Variants in SPOCK3 observed in about 807,000 individuals in gnomAD.
The protein encoded by SPOCK3 is SPARC (osteonectin), cwcv and kazal like domains proteoglycan 3.
A neutral mutation model predicts 56.6 loss-of-function variants in SPOCK3; 30 were observed. That is an observed-to-expected ratio of 0.53 (90% CI 0.40 to 0.72). The LOEUF (loss-of-function observed/expected upper bound fraction) is 0.72, where lower values mean the gene tolerates loss of function less well. SPOCK3 is among the 30% of genes least tolerant of loss of function. The pLI, the probability that SPOCK3 is intolerant of heterozygous loss-of-function variation, is 0.00. For missense variants in SPOCK3, 527 were observed against 530.0 expected (o/e 0.99, Z 0.06); for synonymous variants, 196 against 183.3 (o/e 1.07, Z -0.56).
In SPOCK3 at chr4:167,234,007, C is replaced by G. The variant is rs763898421; in HGVS notation, c.167G>C (p.Gly56Ala). The change falls in exon 2 of 11, where the codon GGA becomes GCA. Residue 56 changes from glycine to alanine, a missense_variant. Coordinates refer to ENST00000357545, the MANE Select transcript of SPOCK3 (RefSeq NM_001040159.2). Reference sequence around the variant, plus strand: ...TACGTCTCGGAATTTGTTCCACTGTCCGACTTCCTTGTCATACTGAGAGAT... The same window carrying G: ...TACGTCTCGGAATTTGTTCCACTGTGCGACTTCCTTGTCATACTGAGAGAT... ...TTISQYDKEV[G>A]QWNKFRDDDY... The G allele has an allele frequency of 6.2e-7, 1 of 1,613,950 alleles. No homozygotes were observed. Among genetic ancestry groups the G allele is most frequent in the Admixed American group, 1.7e-5 (1 of 60,022 alleles).
At chr4:167,166,004 T>A (rs563626785) in intron 2 of SPOCK3, among the ~76,000 whole-genome samples, 108 of 152,108 alleles carry the variant, frequency 7.1e-4, no homozygotes, top group African/African-American at 2.4e-3. Context: ...AACATCTTAA[T>A]GAAAAGGCAA....
At chr4:167,154,223 C>A (rs1010885059) in intron 2 of SPOCK3, among the ~76,000 whole-genome samples, 1 of 151,832 alleles carries the variant, frequency 6.6e-6, no homozygotes, top group Admixed American at 6.6e-5. Flanking sequence ...CACGCGTGCA[C>A]ACACACACAC....
At chr4:166,881,473 AT>A (rs1222386580) in intron 6 of SPOCK3, among the ~76,000 whole-genome samples, 1 of 151,966 alleles carries the variant, frequency 6.6e-6, no homozygotes, top group African/African-American at 2.4e-5. Flanking sequence ...CAGAAAAAGA[AT>A]TCATTTTTAT....
chr4:166,950,475 C>T (rs1742428123), intron 4 of SPOCK3, among the ~76,000 whole-genome samples: 1 of 151,786 alleles, frequency 6.6e-6, no homozygotes, highest in South Asian at 2.1e-4. Flanking sequence ...GACTCCCACA[C>T]ATTAATAATG....
intron 6 of SPOCK3, among the ~76,000 whole-genome samples, chr4:166,850,978 G>A (rs1361855667): frequency 1.3e-5 from 2 of 152,350 alleles, no homozygotes; most frequent in Non-Finnish European, 1.5e-5. Context: ...AGCTTAAGGA[G>A]GCCTGCCTGC....
intron 7 of SPOCK3, among the ~76,000 whole-genome samples, chr4:166,788,750 A>G (rs1039046542): frequency 1.3e-5 from 2 of 151,844 alleles, no homozygotes; most frequent in Admixed American, 1.3e-4. Flanking sequence ...AAGATATACA[A>G]GACGTTTTTT....
chr4:166,982,934 C>G (rs1484846455), intron 4 of SPOCK3, among the ~76,000 whole-genome samples: 1 of 152,048 alleles, frequency 6.6e-6, no homozygotes, highest in East Asian at 1.9e-4. Flanking sequence ...TTTATCAACC[C>G]CTCTTCCCTA....
At chr4:166,735,117 C>CTT (rs1169448266) in intron 10 of SPOCK3, 27 bp from the exon 11 acceptor site, 1 of 1,476,976 alleles carries the variant, frequency 6.8e-7, no homozygotes, top group African/African-American at 1.4e-5. Context: ...GTAAACATAA[C>CTT]CTTTATTTGA....
chr4:166,789,440 A>G (rs951543584), intron 7 of SPOCK3, among the ~76,000 whole-genome samples: 3 of 152,110 alleles, frequency 2.0e-5, no homozygotes, highest in African/African-American at 7.2e-5. Flanking sequence ...AAAAAAAGAA[A>G]AAAACCAAAA....
chr4:167,061,031 G>C (rs1373015570), intron 3 of SPOCK3, among the ~76,000 whole-genome samples: 6 of 151,840 alleles, frequency 4.0e-5, no homozygotes, highest in Non-Finnish European at 4.4e-5. Context: ...TAAGTTAGTA[G>C]GTTAAAAACC....
At chr4:167,205,210 ATATAT>A (rs1266570396) in intron 2 of SPOCK3, among the ~76,000 whole-genome samples, 1 of 98,252 alleles carries the variant, frequency 1.0e-5, no homozygotes, top group Non-Finnish European at 1.9e-5. Context: ...AATATATATT[ATATAT>A]TATATATTTT....
intron 2 of SPOCK3, among the ~76,000 whole-genome samples, chr4:167,096,267 AT>A (rs1276296089): frequency 6.6e-6 from 1 of 151,818 alleles, no homozygotes; most frequent in African/African-American, 2.4e-5. Flanking sequence ...AGCAGTTGTT[AT>A]TTTTTTCTAC....
At chr4:167,209,126 A>G (rs1734624257) in intron 2 of SPOCK3, among the ~76,000 whole-genome samples, 1 of 152,112 alleles carries the variant, frequency 6.6e-6, no homozygotes, top group African/African-American at 2.4e-5. Context: ...TTTAGTTTCA[A>G]TAAGCCAAGA....
intron 6 of SPOCK3, among the ~76,000 whole-genome samples, chr4:166,821,277 A>C (rs1044239010): frequency 1.3e-5 from 2 of 152,118 alleles, no homozygotes; most frequent in African/African-American, 4.8e-5. Context: ...ACCACTTCAC[A>C]GCTACAATTT....
intron 2 of SPOCK3, among the ~76,000 whole-genome samples, chr4:167,100,997 A>C (rs1038254272): frequency 4.6e-5 from 7 of 152,092 alleles, no homozygotes; most frequent in African/African-American, 1.7e-4. Context: ...ATGCATGGTA[A>C]TTCATTGAAA....
chr4:166,883,341 A>T (rs1247742940), intron 6 of SPOCK3: 3 of 152,192 alleles, frequency 2.0e-5, no homozygotes, highest in Non-Finnish European at 2.9e-5. Context: ...TCATACTGTA[A>T]ATAAAAATTA....
At chr4:166,904,975 CTG>C (rs1736460650) in intron 5 of SPOCK3, among the ~76,000 whole-genome samples, 1 of 151,982 alleles carries the variant, frequency 6.6e-6, no homozygotes, top group African/African-American at 2.4e-5. Context: ...CTGTGGTTAA[CTG>C]TGTGTGCGCT....
intron 4 of SPOCK3, among the ~76,000 whole-genome samples, chr4:166,999,484 T>C (rs1056435458): frequency 6.6e-6 from 1 of 152,208 alleles, no homozygotes; most frequent in Non-Finnish European, 1.5e-5. Flanking sequence ...AGAATTTATA[T>C]GCAAGTACAC....
chr4:167,093,512 A>C (rs148436085), intron 2 of SPOCK3, among the ~76,000 whole-genome samples: 54 of 152,086 alleles, frequency 3.6e-4, no homozygotes, highest in African/African-American at 1.2e-3. Context: ...CTCATTGTTC[A>C]ACTCCCACTT....
Sources: allele counts gnomAD v4.1 joint callset (sites outside exome capture counted in the v4.1 genomes callset), GRCh38; gene constraint gnomAD v4.1.1; transcripts MANE v1.5; gene names NCBI Gene and HGNC (gene_info 2026-07-23, HGNC 2026-07-21).